ADGRV1: variants seen among roughly 807,000 people sequenced by gnomAD.
ADGRV1 encodes G-protein coupled receptor 98.
ADGRV1 carries 359 observed loss-of-function variants against 596.2 expected under a neutral mutation model. The observed-to-expected ratio is 0.60, with a 90% confidence interval of 0.55 to 0.66. The LOEUF (loss-of-function observed/expected upper bound fraction) is 0.66, where lower values mean the gene tolerates loss of function less well. Ranked by LOEUF, ADGRV1 falls within the 30% of genes least tolerant of loss-of-function variation. ADGRV1 has a pLI of 0.00. For synonymous variants in ADGRV1, 2,681 were observed against 2,679.2 expected, an observed-to-expected ratio of 1.00 and a Z score of -0.02; for missense variants, 7,274 against 7,575.6, an observed-to-expected ratio of 0.96 and a Z score of 1.48.
At chr5:90,629,174 A>G (rs373596565) in intron 8 of ADGRV1, 36 bp from the exon 9 acceptor site, 8 of 1,225,548 alleles carry the variant, frequency 6.5e-6, no homozygotes, top group Non-Finnish European at 7.7e-6. Flanking sequence ...CAGATGCGAG[A>G]ATTCTGTACT....
chr5:90,766,123 A>G (rs1011326371), intron 59 of ADGRV1, among the ~76,000 whole-genome samples: 1 of 151,992 alleles, frequency 6.6e-6, no homozygotes, highest in Non-Finnish European at 1.5e-5. Context: ...GTTAGCCAGG[A>G]TGGTCTTGAT....
At chr5:90,874,689 G>A (rs1226351240) in intron 83 of ADGRV1, among the ~76,000 whole-genome samples, 5 of 151,794 alleles carry the variant, frequency 3.3e-5, no homozygotes, top group Non-Finnish European at 7.4e-5. Context: ...GTGAAACCCC[G>A]TCTCTACTAA....
intron 87 of ADGRV1, among the ~76,000 whole-genome samples, chr5:91,114,315 T>A (rs1792653082): frequency 6.6e-6 from 1 of 151,982 alleles, no homozygotes; most frequent in South Asian, 2.1e-4. Context: ...TCACCTGAGG[T>A]CAGGAGTTCG....
chr5:90,783,094 T>A, intron 65 of ADGRV1, 30 bp from the exon 66 acceptor site: 4 of 1,590,336 alleles, frequency 2.5e-6, no homozygotes, highest in Non-Finnish European at 3.5e-6. Flanking sequence ...TCTGTCTGGC[T>A]TACCAATTAA....
intron 21 of ADGRV1, among the ~76,000 whole-genome samples, chr5:90,663,082 G>A (rs2149496279): frequency 6.6e-6 from 1 of 150,380 alleles, no homozygotes; most frequent in Admixed American, 6.7e-5. Flanking sequence ...ACGTGTGCAT[G>A]TGTCTTTATA....
chr5:90,778,612 A>G lies in ADGRV1; in HGVS notation c.12849+3A>G. The G allele has an allele frequency of 6.5e-7, 1 of 1,542,976 alleles. No homozygotes were observed. The highest frequency in any genetic ancestry group is 2.3e-5 in the East Asian group (1 of 43,910). ...TTCGAGTGTCAGAAGCACAGAGGGT[A>G]TAGTATGAAATGCTTAAGATTTTAA... On this transcript the variant is annotated splice_donor_region_variant and intron_variant, in intron 63 of 89. Coordinates refer to ENST00000405460, the MANE Select transcript of ADGRV1 (RefSeq NM_032119.4).
chr5:90,905,606 GT>G (rs1307846984), intron 83 of ADGRV1, among the ~76,000 whole-genome samples: 3 of 151,956 alleles, frequency 2.0e-5, no homozygotes, highest in Non-Finnish European at 4.4e-5. Context: ...CACTGAATTT[GT>G]TTATCAGTTC....
intron 1 of ADGRV1, among the ~76,000 whole-genome samples, chr5:90,569,122 T>A (rs572546898): frequency 6.6e-6 from 1 of 151,988 alleles, no homozygotes; most frequent in Non-Finnish European, 1.5e-5. Context: ...TAGACCAAAC[T>A]TATCCTTTTA....
intron 84 of ADGRV1, among the ~76,000 whole-genome samples, chr5:90,966,494 T>C (rs1778472191): frequency 1.5e-5 from 2 of 137,072 alleles, no homozygotes; most frequent in Non-Finnish European, 3.0e-5. Context: ...ATGGCACCAT[T>C]GCACTCCAGC....
intron 50 of ADGRV1, among the ~76,000 whole-genome samples, chr5:90,740,405 C>CT (rs2149883871): frequency 6.6e-6 from 1 of 152,300 alleles, no homozygotes; most frequent in East Asian, 1.9e-4. Flanking sequence ...AGCTCAATCA[C>CT]TAAGCTTGGG....
intron 85 of ADGRV1, among the ~76,000 whole-genome samples, chr5:91,022,187 T>C (rs1783693103): frequency 6.6e-6 from 1 of 152,136 alleles, no homozygotes; most frequent in South Asian, 2.1e-4. Context: ...TTATCTTTTT[T>C]CTAGCTTTAT....
Position 90,627,225 on chromosome 5 carries a change from T to G in ADGRV1, c.687T>G (p.Asp229Glu). Residue 229 changes from aspartate (D) to glutamate (E), a missense_variant, in exon 7 of 90, where the codon GAT (aspartate) becomes GAG (glutamate). Asp to Glu is a conservative substitution (Grantham distance 45). Around this residue, in one of 5 missense-constraint regions of ADGRV1, gnomAD observed 1,715 missense variants for 1,708.8 expected, o/e 1.00. Transcript: ENST00000405460. ...TCCTTTAACAGGTACCAGAAAATGA[T>G]GAAATATTTTTAATTCAACTGAAAA... ...TVLDDEVPEN[D>E]EIFLIQLKSV... is the part of the protein sequence containing the mutation. 6.5e-7 allele frequency: 1 copy of G among 1,531,188 alleles called. No homozygotes were observed. Among genetic ancestry groups the G allele is most frequent in the Non-Finnish European group, 8.8e-7 (1 of 1,140,380 alleles). The allele number at this position is 1,531,188 out of a possible 1,614,324, so 94.9% of individuals were successfully genotyped here. A position where few individuals can be genotyped will look rare whatever the true frequency, so the allele number is the denominator to read the frequency against.
intron 83 of ADGRV1, among the ~76,000 whole-genome samples, chr5:90,864,352 A>G (rs1767888733): frequency 6.6e-6 from 1 of 152,226 alleles, no homozygotes; most frequent in Non-Finnish European, 1.5e-5. Flanking sequence ...ATGACTTATT[A>G]GCACACAATT....
chr5:90,872,291 G>GT (rs769697221), intron 83 of ADGRV1, among the ~76,000 whole-genome samples: 221 of 152,044 alleles, frequency 1.5e-3, no homozygotes, highest in African/African-American at 4.1e-3. Context: ...GTTTTTAAGA[G>GT]TTTTTTTTCC....
At chr5:90,707,536 A>G (rs1482080165) in intron 38 of ADGRV1, among the ~76,000 whole-genome samples, 2 of 152,212 alleles carry the variant, frequency 1.3e-5, no homozygotes, top group Admixed American at 1.3e-4. Flanking sequence ...GTGACCTAAT[A>G]TAACAGTATA....
At position 90,647,678 on chromosome 5, in the gene ADGRV1, G is replaced by A. The variant is rs202151375; in HGVS notation, c.3203G>A (p.Arg1068Lys). 1.3e-4 allele frequency: 209 copies of A among 1,613,820 alleles called. No individual in the cohort carries two copies. The highest frequency in any genetic ancestry group is 1.7e-4 in the Non-Finnish European group (201 of 1,179,820). Residue 1068 changes from arginine (R) to lysine (K), a missense_variant, in exon 17 of 90, where the codon AGA (arginine) becomes AAA (lysine). Arg to Lys is a conservative substitution (Grantham distance 26). Around this residue, in one of 5 missense-constraint regions of ADGRV1, gnomAD observed 1,715 missense variants for 1,708.8 expected, o/e 1.00. Coordinates refer to ENST00000405460, the MANE Select transcript of ADGRV1 (RefSeq NM_032119.4). The stretch of plus-strand genomic sequence containing the variant: ...ACGCTCATTTTTGAGGTTGGAAGTA[G>A]ACAGCAGAGCATATCCATATTTGTT... ...GETLIFEVGS[R>K]QQSISIFVNE...
intron 83 of ADGRV1, among the ~76,000 whole-genome samples, chr5:90,943,541 A>G (rs1776331714): frequency 6.6e-6 from 1 of 152,058 alleles, no homozygotes; most frequent in African/African-American, 2.4e-5. Context: ...GAGGCCTTCC[A>G]TGACCTTCCC....
chr5:90,947,577 G>A (rs753421100), intron 83 of ADGRV1, among the ~76,000 whole-genome samples: 3 of 151,742 alleles, frequency 2.0e-5, no homozygotes, highest in Non-Finnish European at 2.9e-5. Context: ...AGGTGTAGAC[G>A]GCATTAGAGT....
intron 70 of ADGRV1, among the ~76,000 whole-genome samples, chr5:90,794,857 C>G (rs760105775): frequency 1.3e-5 from 2 of 152,028 alleles, no homozygotes; most frequent in Non-Finnish European, 2.9e-5. Context: ...AGGGTGACGC[C>G]TCACCTGGGA....
Sources: gnomAD v4.1 joint callset for allele counts (sites outside exome capture counted in the v4.1 genomes callset) on GRCh38, gnomAD v4.1.1 for gene constraint, gnomAD v4.1.1 regional missense constraint, MANE v1.5 for transcripts, NCBI Gene and HGNC (gene_info 2026-07-23, HGNC 2026-07-21) for gene names.